The following NOVA1 variants were observed in gnomAD, a reference collection of about 807,000 sequenced individuals.
The protein encoded by NOVA1 is RNA-binding protein Nova-1.
In NOVA1, 7 loss-of-function variants were observed where a neutral mutation model predicts 38.0. The observed-to-expected ratio is 0.18, with a 90% CI of 0.10 to 0.35. The LOEUF (loss-of-function observed/expected upper bound fraction) is 0.35, where lower values mean the gene tolerates loss of function less well. Ranked by LOEUF, NOVA1 falls within the 10% of genes least tolerant of loss-of-function variation. The pLI is 1.00. For synonymous variants in NOVA1, 270 were observed against 232.5 expected (o/e 1.16, Z -1.47); for missense variants, 460 against 616.0 (o/e 0.75, Z 2.68).
chr14:26,556,233 A>C (rs553584284), intron 2 of NOVA1, among the ~76,000 whole-genome samples: 46 of 152,280 alleles, frequency 3.0e-4, no homozygotes, highest in Middle Eastern at 6.8e-3. Context: ...GACACTATCC[A>C]ACTCAAAACT....
At chr14:26,592,037 T>C (rs1442729943) in intron 2 of NOVA1, among the ~76,000 whole-genome samples, 1 of 151,390 alleles carries the variant, frequency 6.6e-6, no homozygotes, top group Non-Finnish European at 1.5e-5. Flanking sequence ...GAATACCATA[T>C]AATAGAATAA....
chr14:26,596,021 A>G, intron 1 of NOVA1: 1 of 301,398 alleles, frequency 3.3e-6, no homozygotes, highest in South Asian at 3.1e-5. Flanking sequence ...CAGACACATA[A>G]GGACTACAAT....
chr14:26,595,729 G>A, intron 1 of NOVA1, 176 bp from the exon 2 acceptor site: 4 of 529,432 alleles, frequency 7.6e-6, no homozygotes, highest in Non-Finnish European at 1.3e-5. Context: ...AAACAAACAG[G>A]TACAAAATGT....
At chr14:26,587,927 T>C (rs1294217522) in intron 2 of NOVA1, among the ~76,000 whole-genome samples, 1 of 151,310 alleles carries the variant, frequency 6.6e-6, no homozygotes, top group South Asian at 2.1e-4. Context: ...AGCAGCAAAT[T>C]ATTAACAATT....
At chr14:26,568,959 A>C (rs1274158442) in intron 2 of NOVA1, among the ~76,000 whole-genome samples, 2 of 152,202 alleles carry the variant, frequency 1.3e-5, no homozygotes, top group African/African-American at 4.8e-5. Flanking sequence ...TGGTTAAAAT[A>C]ATCTCAAGCC....
At chr14:26,477,139 T>C (rs1885049281) in intron 3 of NOVA1, among the ~76,000 whole-genome samples, 1 of 151,870 alleles carries the variant, frequency 6.6e-6, no homozygotes, top group Admixed American at 6.6e-5. Context: ...TACAGTTTAG[T>C]ATATTTTGCT....
chr14:26,501,919 A>C (rs1887270092), intron 2 of NOVA1, among the ~76,000 whole-genome samples: 1 of 151,942 alleles, frequency 6.6e-6, no homozygotes, highest in South Asian at 2.1e-4. Flanking sequence ...GAATAAACTA[A>C]TATGTCTGAG....
chr14:26,586,002 G>T (rs778001161), intron 2 of NOVA1, among the ~76,000 whole-genome samples: 135 of 151,446 alleles, frequency 8.9e-4, no homozygotes, highest in Non-Finnish European at 3.3e-4. Context: ...GGTTCATTCA[G>T]TCATTCATTC....
intron 2 of NOVA1, among the ~76,000 whole-genome samples, chr14:26,491,691 T>C (rs1886362351): frequency 6.6e-6 from 1 of 152,210 alleles, no homozygotes; most frequent in Admixed American, 6.5e-5. Context: ...CAACAACACT[T>C]GTTGAAGAGA....
At chr14:26,525,359 G>A (rs1040353273) in intron 2 of NOVA1, among the ~76,000 whole-genome samples, 1 of 152,030 alleles carries the variant, frequency 6.6e-6, no homozygotes, top group Non-Finnish European at 1.5e-5. Context: ...AAAAGTGAAG[G>A]TTCTTAAGGT....
At chr14:26,549,910 T>C in intron 2 of NOVA1, 1 of 311,864 alleles carries the variant, frequency 3.2e-6, no homozygotes, top group Non-Finnish European at 6.7e-6. Context: ...TGAAAATATA[T>C]AAGAACAAAG....
At chr14:26,454,969 TA>T (rs1354389834) in intron 4 of NOVA1, among the ~76,000 whole-genome samples, 1 of 152,180 alleles carries the variant, frequency 6.6e-6, no homozygotes, top group Non-Finnish European at 1.5e-5. Flanking sequence ...TGAAAAATGG[TA>T]TCCTTTCGAT....
intron 2 of NOVA1, among the ~76,000 whole-genome samples, chr14:26,503,377 C>G (rs1446032924): frequency 6.6e-6 from 1 of 151,924 alleles, no homozygotes; most frequent in East Asian, 1.9e-4. Context: ...AGGGAAAGGA[C>G]TGGGAAAAGA....
At chr14:26,511,902 A>C (rs1447996197) in intron 2 of NOVA1, among the ~76,000 whole-genome samples, 1 of 152,186 alleles carries the variant, frequency 6.6e-6, no homozygotes, top group Non-Finnish European at 1.5e-5. Flanking sequence ...CCGAAATATC[A>C]TTAAACAAAA....
At position 26,443,636 on chromosome 14, in the gene NOVA1, T is replaced by A. The variant is rs1881856940; in HGVS notation, c.*4323A>T. On this transcript the variant is annotated 3_prime_UTR_variant, in exon 5 of 5. Transcript: ENST00000539517. ...TTCCAAATATAATCTGTTAAAGTAA[T>A]ATGATACTTACCCTTTATGTAAAAA... The A allele has an allele frequency of 6.6e-6, 1 of 152,260 alleles. No homozygotes were observed. Among genetic ancestry groups the A allele is most frequent in the Non-Finnish European group, 1.5e-5 (1 of 67,858 alleles). The allele number at this position is 152,260 out of a possible 1,614,324, so 9.4% of individuals were successfully genotyped here.
chr14:26,565,256 G>A (rs1892065106), intron 2 of NOVA1, among the ~76,000 whole-genome samples: 2 of 152,096 alleles, frequency 1.3e-5, no homozygotes, highest in African/African-American at 2.4e-5. Context: ...TTGAAATACA[G>A]GTAGGTATTT....
At chr14:26,451,075 C>T (rs1038961970) in intron 4 of NOVA1, among the ~76,000 whole-genome samples, 2 of 151,966 alleles carry the variant, frequency 1.3e-5, no homozygotes, top group African/African-American at 4.8e-5. Context: ...AAGAAAAGTA[C>T]AGAAAAGGAT....
intron 2 of NOVA1, among the ~76,000 whole-genome samples, chr14:26,544,176 TA>T (rs1274872133): frequency 6.6e-6 from 1 of 151,218 alleles, no homozygotes; most frequent in African/African-American, 2.4e-5. Flanking sequence ...TAAAGGACTA[TA>T]AAAAAAGAAA....
At chr14:26,458,846 T>G (rs1477819639) in intron 4 of NOVA1, among the ~76,000 whole-genome samples, 2 of 151,946 alleles carry the variant, frequency 1.3e-5, no homozygotes, top group African/African-American at 4.8e-5. Flanking sequence ...GAAAACAGTG[T>G]ACAGAATAAG....
Sources: allele counts gnomAD v4.1 joint callset (sites outside exome capture counted in the v4.1 genomes callset), GRCh38; gene constraint gnomAD v4.1.1; transcripts MANE v1.5; gene names NCBI Gene and HGNC (gene_info 2026-07-23, HGNC 2026-07-21).